GRID2: variants seen among roughly 807,000 people sequenced by gnomAD.
GRID2 encodes glutamate receptor ionotropic, delta-2.
GRID2 carries 33 observed loss-of-function variants against 114.8 expected under a neutral mutation model. The ratio of observed to expected loss-of-function variants is 0.29; its 90% confidence interval spans 0.22 to 0.38. The LOEUF (loss-of-function observed/expected upper bound fraction) is 0.38. Among genes scored for constraint, GRID2 ranks in the 10% least tolerant of loss-of-function variants. The pLI, the probability that GRID2 is intolerant of heterozygous loss-of-function variation, is 1.00. For synonymous variants in GRID2, 505 were observed against 449.9 expected (o/e 1.12, Z -1.55); for missense variants, 1,184 against 1,257.7 (o/e 0.94, Z 0.89).
intron 1 of GRID2, among the ~76,000 whole-genome samples, chr4:92,375,692 A>G (rs1188007019): frequency 6.6e-6 from 1 of 152,204 alleles, no homozygotes; most frequent in African/African-American, 2.4e-5. Flanking sequence ...CAAATTAATA[A>G]ATATTCAATC....
At chr4:92,929,338 TTTG>T (rs1750056585) in intron 2 of GRID2, among the ~76,000 whole-genome samples, 1 of 151,346 alleles carries the variant, frequency 6.6e-6, no homozygotes, top group African/African-American at 2.4e-5. Flanking sequence ...CATTCATAAT[TTTG>T]TTTCTTTTTT....
At chr4:93,796,956 C>A (rs1234291244) in intron 1 of GRID2, among the ~76,000 whole-genome samples, 4 of 152,158 alleles carry the variant, frequency 2.6e-5, no homozygotes, top group African/African-American at 9.7e-5. Context: ...GGTCATTTCA[C>A]AGTTTTGTAA....
chr4:92,443,350 T>G (rs2149070059), intron 1 of GRID2, among the ~76,000 whole-genome samples: 1 of 152,104 alleles, frequency 6.6e-6, no homozygotes, highest in African/African-American at 2.4e-5. Flanking sequence ...GCATTTAGGT[T>G]TTAGGTCAGG....
chr4:92,535,059 G>A (rs1579534455), intron 1 of GRID2, among the ~76,000 whole-genome samples: 1 of 152,098 alleles, frequency 6.6e-6, no homozygotes, highest in Non-Finnish European at 1.5e-5. Context: ...GAATATAACA[G>A]TGAATTCTCT....
chr4:92,942,662 C>T (rs1243311201), intron 2 of GRID2, among the ~76,000 whole-genome samples: 2 of 152,094 alleles, frequency 1.3e-5, no homozygotes, highest in Non-Finnish European at 2.9e-5. Context: ...TGCTTCCTAG[C>T]CTTGACGGTC....
chr4:93,755,324 G>C (rs114206178), intron 14 of GRID2, among the ~76,000 whole-genome samples: 2,027 of 152,242 alleles, frequency 0.013, 14 homozygotes, highest in Non-Finnish European at 0.022. Context: ...CTAATTCCCA[G>C]CATATCTCCC....
At chr4:92,791,915 C>T (rs954683587) in intron 2 of GRID2, among the ~76,000 whole-genome samples, 10 of 151,776 alleles carry the variant, frequency 6.6e-5, no homozygotes, top group Non-Finnish European at 4.4e-5. Context: ...TGTAGGGCCT[C>T]ATGCAGCATG....
chr4:93,754,569 T>C (rs1253737180), intron 14 of GRID2, among the ~76,000 whole-genome samples: 1 of 152,024 alleles, frequency 6.6e-6, no homozygotes, highest in Non-Finnish European at 1.5e-5. Flanking sequence ...ATAGACAGAG[T>C]GTAGTATCCA....
intron 1 of GRID2, among the ~76,000 whole-genome samples, chr4:92,543,868 G>A (rs1012870454): frequency 6.6e-5 from 10 of 152,160 alleles, no homozygotes; most frequent in African/African-American, 2.4e-4. Context: ...TATTATCAGA[G>A]GGAAGCTTAA....
intron 5 of GRID2, 105 bp downstream of exon 5, chr4:93,207,562 G>A: frequency 2.8e-6 from 2 of 706,420 alleles, no homozygotes; most frequent in Non-Finnish European, 5.0e-6. Flanking sequence ...AAAACTTGAA[G>A]TAAACATTCA....
At chr4:92,953,616 C>A (rs1195264631) in intron 2 of GRID2, among the ~76,000 whole-genome samples, 1 of 151,936 alleles carries the variant, frequency 6.6e-6, no homozygotes, top group Non-Finnish European at 1.5e-5. Context: ...AATTACTAAC[C>A]AGAATTACAG....
At chr4:93,379,636 A>G (rs1355249341) in intron 8 of GRID2, among the ~76,000 whole-genome samples, 1 of 152,126 alleles carries the variant, frequency 6.6e-6, no homozygotes, top group African/African-American at 2.4e-5. Context: ...AATCAGAATG[A>G]CTTATGAATG....
chr4:92,412,553 A>G (rs548000734), intron 1 of GRID2, among the ~76,000 whole-genome samples: 1 of 152,268 alleles, frequency 6.6e-6, no homozygotes, highest in African/African-American at 2.4e-5. Context: ...ATCATGTAAA[A>G]TAATTTTAAA....
intron 14 of GRID2, among the ~76,000 whole-genome samples, chr4:93,764,108 A>C (rs1733436272): frequency 6.6e-6 from 1 of 152,214 alleles, no homozygotes; most frequent in Non-Finnish European, 1.5e-5. Flanking sequence ...ATCAAAAATT[A>C]GTGTGAGTCT....
chr4:93,251,259 A>G (rs2048848758), intron 8 of GRID2, among the ~76,000 whole-genome samples: 1 of 152,156 alleles, frequency 6.6e-6, no homozygotes, highest in Admixed American at 6.6e-5. Context: ...CTTGATGATG[A>G]GTAATATTTT....
intron 1 of GRID2, among the ~76,000 whole-genome samples, chr4:92,553,480 C>T (rs753854832): frequency 1.3e-5 from 2 of 151,928 alleles, no homozygotes; most frequent in Admixed American, 6.6e-5. Flanking sequence ...TGTATACCTT[C>T]GTAATTCTCA....
chr4:93,715,513 G>T (rs1728832264), intron 14 of GRID2, among the ~76,000 whole-genome samples: 1 of 152,098 alleles, frequency 6.6e-6, no homozygotes, highest in Non-Finnish European at 1.5e-5. Flanking sequence ...TCTAAAAATT[G>T]CTTTGGGCAG....
chr4:92,808,788 AT>A (rs552632164), intron 2 of GRID2, among the ~76,000 whole-genome samples: 249 of 144,638 alleles, frequency 1.7e-3, no homozygotes, highest in Non-Finnish European at 1.6e-3. Context: ...AAGATCGTGA[AT>A]TTTTTTTTTT....
intron 1 of GRID2, among the ~76,000 whole-genome samples, chr4:92,569,304 AT>A (rs1727496663): frequency 6.6e-6 from 1 of 151,976 alleles, no homozygotes; most frequent in Admixed American, 6.6e-5. Flanking sequence ...ACATGATCTC[AT>A]TCATTTTTAT....
Sources: gnomAD v4.1 joint callset for allele counts (sites outside exome capture counted in the v4.1 genomes callset) on GRCh38, gnomAD v4.1.1 for gene constraint, MANE v1.5 for transcripts, NCBI Gene and HGNC (gene_info 2026-07-23, HGNC 2026-07-21) for gene names.